DPF1: variants seen among roughly 807,000 people sequenced by gnomAD.
DPF1 encodes the protein double PHD fingers 1.
In DPF1, 14 loss-of-function variants were observed where a neutral mutation model predicts 58.7. That is an observed-to-expected ratio of 0.24 (90% CI 0.16 to 0.37). DPF1 has a LOEUF of 0.37. DPF1 is among the 10% of genes least tolerant of loss of function. DPF1 has a pLI of 1.00. For synonymous variants in DPF1, 216 were observed against 216.0 expected, an observed-to-expected ratio of 1.00 and a Z score of 0.00; for missense variants, 345 against 529.9, an observed-to-expected ratio of 0.65 and a Z score of 3.43.
At position 38,222,540 on chromosome 19, in the gene DPF1, G is replaced by C. The variant is rs776556119; in HGVS notation, c.190+8C>G. The C allele has an allele frequency of 6.2e-7, 1 of 1,604,978 alleles. No homozygotes were observed. Among genetic ancestry groups the C allele is most frequent in the Non-Finnish European group, 8.5e-7 (1 of 1,176,112 alleles). The stretch of plus-strand genomic sequence containing the variant: ...CGCCCCGCCCTGCGCCAGCCCTCCC[G>C]GCGGTACCCGGCCCGCGGTGGGTCT... On this transcript the variant is annotated splice_region_variant and intron_variant, in intron 2 of 11. Coordinates refer to ENST00000355526, the MANE Select transcript of DPF1 (RefSeq NM_001135155.3). The surrounding 1 kb of genome is among the most constrained non-coding windows in gnomAD (Gnocchi z 4.9).
At chr19:38,217,241 T>C in intron 7 of DPF1, 1 of 607,694 alleles carries the variant, frequency 1.6e-6, no homozygotes, top group Non-Finnish European at 2.8e-6. Flanking sequence ...AAACAATAAA[T>C]CAGACCCAGA....
upstream of DPF1, chr19:38,224,340 G>C: frequency 8.2e-7 from 1 of 1,226,332 alleles, no homozygotes. The surrounding 1 kb of genome is among the most constrained non-coding windows in gnomAD (Gnocchi z 4.5). Flanking sequence ...CCGGGACCCC[G>C]CGGGGACGGG....
At chr19:38,212,165 C>G (rs761699158) in intron 11 of DPF1, 32 bp from the exon 12 acceptor site, 62 of 1,599,336 alleles carry the variant, frequency 3.9e-5, no homozygotes, top group Non-Finnish European at 4.9e-5. Flanking sequence ...AAGTCAGGCC[C>G]GGGTCCGGGA....
chr19:38,229,299 C>T lies in DPF1; in HGVS notation c.-132+260G>A, dbSNP rs1424617126. On this transcript the variant is annotated intron_variant, in intron 1 of 11. Transcript: ENST00000412732. This position sits in a 1 kb window ranked among gnomAD's most constrained non-coding sequence, Gnocchi z 5.3. ...CCCCCACTCTGGGTGGGGAAACGGC[C>T]TCCGCCACCCCCAGCCCGCGCCGCA... Among the ~76,000 whole-genome samples the T allele has an allele frequency of 6.6e-6, 1 of 152,046 alleles. No individual in the cohort carries two copies. The highest frequency in any genetic ancestry group is 1.5e-5 in the Non-Finnish European group (1 of 67,940).
At chr19:38,218,446 G>C in intron 5 of DPF1, 127 bp downstream of exon 5, 1 of 951,932 alleles carries the variant, frequency 1.1e-6, no homozygotes, top group South Asian at 1.5e-5. Flanking sequence ...ACCCCTGCAG[G>C]CCGCTCTGGG....
upstream of DPF1, among the ~76,000 whole-genome samples, chr19:38,225,330 G>T (rs769519156): frequency 6.6e-6 from 1 of 152,084 alleles, no homozygotes; most frequent in Non-Finnish European, 1.5e-5. Flanking sequence ...ACTTCGGGAG[G>T]CCTAGATGAG....
In DPF1 at chr19:38,229,534, G is replaced by A; in HGVS notation, c.-132+25C>T. ...CTCCTGGTGGGGGGGTCTGGACAGG[G>A]GGCGGGGACGGCAGGGACACTCACG... On this transcript the variant is annotated intron_variant, in intron 1 of 11. Coordinates refer to the DPF1 transcript ENST00000412732. The surrounding 1 kb of genome is among the most constrained non-coding windows in gnomAD (Gnocchi z 5.3). The A allele has an allele frequency of 1.7e-6, 2 of 1,154,432 alleles. No individual in the cohort carries two copies. Among genetic ancestry groups the A allele is most frequent in the Non-Finnish European group, 2.1e-6 (2 of 936,926 alleles). The allele number at this position is 1,154,432 out of a possible 1,614,324, so 71.5% of individuals were successfully genotyped here.
chr19:38,222,753 C>CG lies in DPF1; in HGVS notation c.30-46dup. On this transcript the variant is annotated intron_variant, in intron 1 of 11. Transcript: ENST00000355526. This position sits in a 1 kb window ranked among gnomAD's most constrained non-coding sequence, Gnocchi z 4.9. Reference sequence around the variant, plus strand: ...GCGGGCGGCTGTCAGCAAGGGCAGGCGCACAGGGTCGCCCAGCACCCCTTC... The same window carrying CG: ...GCGGGCGGCTGTCAGCAAGGGCAGGCGGCACAGGGTCGCCCAGCACCCCTTC... The CG allele has an allele frequency of 6.6e-7, 1 of 1,511,950 alleles. No homozygotes were observed. Among genetic ancestry groups the CG allele is most frequent in the Non-Finnish European group, 8.9e-7 (1 of 1,129,704 alleles). 93.7% of individuals were successfully genotyped at this position (1,511,950 alleles called of 1,614,324 possible).
chr19:38,229,104 CAGAG>C (rs1166446880), upstream of DPF1, among the ~76,000 whole-genome samples: 2 of 151,902 alleles, frequency 1.3e-5, no homozygotes, highest in Non-Finnish European at 2.9e-5. This position sits in a 1 kb window ranked among gnomAD's most constrained non-coding sequence, Gnocchi z 5.3. Context: ...CCGGGGTCCT[CAGAG>C]AAAGAAGGGG....
At position 38,211,905 on chromosome 19, in the gene DPF1, A is replaced by T; in HGVS notation, c.*158T>A. 1.3e-6 allele frequency: 1 copy of T among 762,104 alleles called. No homozygotes were observed. Among genetic ancestry groups the T allele is most frequent in the Non-Finnish European group, 2.1e-6 (1 of 477,044 alleles). The allele number at this position is 762,104 out of a possible 1,614,324, so 47.2% of individuals were successfully genotyped here. On this transcript the variant is annotated 3_prime_UTR_variant, in exon 12 of 12. Transcript: ENST00000355526. The surrounding 1 kb of genome is among the most constrained non-coding windows in gnomAD (Gnocchi z 4.0). The stretch of plus-strand genomic sequence containing the variant: ...CCGGGCCCACCCACCCACAGGGCAG[A>T]CATTCCACTTGCACAGAGGGGAGGG...
chr19:38,222,433 G>A lies in DPF1; in HGVS notation c.222C>T (p.Pro74=), dbSNP rs367709872. The change falls in exon 3 of 12, where the codon CCC becomes CCT. Residue 74 remains proline (P), a synonymous_variant. Transcript: ENST00000355526. This position sits in a 1 kb window ranked among gnomAD's most constrained non-coding sequence, Gnocchi z 4.9. ...GLAPGQIYTY[P]ARCWRKKRRL... ...TCCGTTTCTTCCTCCAACAGCGGGCGGGGTACGTGTAAATCTGTCCCGGGG... is the reference window on the plus strand; with the variant it reads ...TCCGTTTCTTCCTCCAACAGCGGGCAGGGTACGTGTAAATCTGTCCCGGGG... 4 of 1,586,216 alleles carry A rather than the reference G, an allele frequency of 2.5e-6. No homozygotes were observed. Among genetic ancestry groups the A allele is most frequent in the African/African-American group, 2.8e-5 (2 of 71,722 alleles).
chr19:38,224,348 G>A (rs925285635), upstream of DPF1: 4 of 1,208,392 alleles, frequency 3.3e-6, no homozygotes, highest in African/African-American at 4.7e-5. This position sits in a 1 kb window ranked among gnomAD's most constrained non-coding sequence, Gnocchi z 4.5. Flanking sequence ...CCGCGGGGAC[G>A]GGACGGCGCG....
In DPF1 at chr19:38,222,986, C is replaced by T. The variant is rs1967620145; in HGVS notation, c.30-278G>A. On this transcript the variant is annotated intron_variant, in intron 1 of 11. Transcript: ENST00000355526. This position sits in a 1 kb window ranked among gnomAD's most constrained non-coding sequence, Gnocchi z 4.9. ...ACACCGGGACGTATCCCTACCTGAA[C>T]ACATGCAGACACACAACACAAATCA... is the stretch of plus-strand genomic sequence containing the variant. 1 of 442,598 alleles carries T rather than the reference C, an allele frequency of 2.3e-6. No homozygotes were observed. The highest frequency in any genetic ancestry group is 3.8e-5 in the East Asian group (1 of 26,036). 27.4% of individuals were successfully genotyped at this position (442,598 alleles called of 1,614,324 possible). A position where few individuals can be genotyped will look rare whatever the true frequency, so the allele number is the denominator to read the frequency against.
chr19:38,224,131 G>C lies in DPF1; in HGVS notation c.12C>G (p.Val4=), dbSNP rs2146214714. 1 of 1,485,960 alleles carries C rather than the reference G, an allele frequency of 6.7e-7. No individual in the cohort carries two copies. The highest frequency in any genetic ancestry group is 2.8e-5 in the Admixed American group (1 of 35,876). The allele number at this position is 1,485,960 out of a possible 1,614,324, so 92.0% of individuals were successfully genotyped here. A position where few individuals can be genotyped will look rare whatever the true frequency, so the allele number is the denominator to read the frequency against. MAT[V]IPGPLSLGED... is the part of the protein sequence containing the mutation. ...CGCACCACCTCAGGGGGCCAGGGAT[G>C]ACAGTGGCCATCTTGCTCCCCGGGT... Residue 4 remains valine (V), a synonymous_variant, in exon 1 of 12, where the codon GTC becomes GTG. Transcript: ENST00000355526. The surrounding 1 kb of genome is among the most constrained non-coding windows in gnomAD (Gnocchi z 4.5).
At chr19:38,226,141 T>C (rs891225084), upstream of DPF1, among the ~76,000 whole-genome samples, 1 of 151,962 alleles carries the variant, frequency 6.6e-6, no homozygotes, top group East Asian at 1.9e-4. Context: ...TCTCTCCCAC[T>C]GTCACCCACA....
intron 5 of DPF1, 124 bp from the exon 6 acceptor site, chr19:38,218,000 G>A (rs1967165545): frequency 4.4e-6 from 4 of 909,654 alleles, no homozygotes; most frequent in South Asian, 1.5e-5. Flanking sequence ...TCAAGAGATC[G>A]AGACCACCTT....
upstream of DPF1, chr19:38,224,321 AG>A (rs1285923619): frequency 3.0e-5 from 38 of 1,248,196 alleles, no homozygotes; most frequent in Admixed American, 3.0e-4. The surrounding 1 kb of genome is among the most constrained non-coding windows in gnomAD (Gnocchi z 4.5). Flanking sequence ...GTCCCAGGCC[AG>A]GGGGCCCCCG....
chr19:38,220,247 GGAAA>G (rs751194906), intron 3 of DPF1, among the ~76,000 whole-genome samples: 151 of 123,212 alleles, frequency 1.2e-3, no homozygotes, highest in East Asian at 2.8e-3. Context: ...AAAGAAGGAA[GGAAA>G]GAAAGAAAGA....
intron 3 of DPF1, among the ~76,000 whole-genome samples, chr19:38,221,199 T>C (rs1200141139): frequency 6.6e-6 from 1 of 151,716 alleles, no homozygotes; most frequent in East Asian, 1.9e-4. Flanking sequence ...CAGACGCCCT[T>C]GGGGAGATAC....
Sources: allele counts gnomAD v4.1 joint callset (sites outside exome capture counted in the v4.1 genomes callset), GRCh38; gene constraint gnomAD v4.1.1; non-coding constraint Gnocchi (gnomAD v3.1); transcripts MANE v1.5; gene names NCBI Gene and HGNC (gene_info 2026-07-23, HGNC 2026-07-21).